Variants in WDR19 observed in about 807,000 individuals in gnomAD.
The protein encoded by WDR19 is WD repeat domain 19, also known as WD repeat-containing protein 19.
A neutral mutation model predicts 180.0 loss-of-function variants in WDR19; 121 were observed. The observed-to-expected ratio is 0.67, with a 90% confidence interval of 0.58 to 0.78. The LOEUF is 0.78. Ranked by LOEUF, WDR19 falls within the 30% of genes least tolerant of loss-of-function variation. The pLI is 0.00. For synonymous variants in WDR19, 497 were observed against 540.7 expected (o/e 0.92, Z 1.12); for missense variants, 1,450 against 1,640.7 (o/e 0.88, Z 2.01).
At chr4:39,226,942 C>G (rs950895404) in intron 15 of WDR19, among the ~76,000 whole-genome samples, 6 of 152,182 alleles carry the variant, frequency 3.9e-5, no homozygotes, top group Non-Finnish European at 7.4e-5. Context: ...AAGCGTTCCT[C>G]TTTCTCCTCA....
intron 27 of WDR19, among the ~76,000 whole-genome samples, chr4:39,256,371 C>T (rs935017404): frequency 6.6e-6 from 1 of 152,208 alleles, no homozygotes; most frequent in African/African-American, 2.4e-5. Flanking sequence ...GAAGGGACAT[C>T]ATAAGTGAAG....
intron 20 of WDR19, among the ~76,000 whole-genome samples, chr4:39,236,504 G>A (rs1280501796): frequency 6.6e-6 from 1 of 152,140 alleles, no homozygotes; most frequent in Non-Finnish European, 1.5e-5. Flanking sequence ...AGGTGGGAGG[G>A]TGGATGAGGG....
intron 10 of WDR19, among the ~76,000 whole-genome samples, chr4:39,215,119 C>G (rs752725239): frequency 6.6e-6 from 1 of 152,022 alleles, no homozygotes; most frequent in Non-Finnish European, 1.5e-5. Context: ...AAAATAGTCT[C>G]CTTATTTTAG....
At chr4:39,275,174 T>C (rs1735778811) in intron 33 of WDR19, 2 of 550,618 alleles carry the variant, frequency 3.6e-6, no homozygotes, top group South Asian at 3.8e-5. Flanking sequence ...ACCCTATCTC[T>C]ACTAAAAATA....
chr4:39,256,617 G>A (rs969200254), intron 27 of WDR19, among the ~76,000 whole-genome samples: 2 of 152,182 alleles, frequency 1.3e-5, no homozygotes, highest in African/African-American at 4.8e-5. Context: ...AAACATGTCT[G>A]TGTGTGAATT....
At chr4:39,239,786 T>C (rs1367509216) in intron 20 of WDR19, among the ~76,000 whole-genome samples, 2 of 152,242 alleles carry the variant, frequency 1.3e-5, no homozygotes, top group African/African-American at 2.4e-5. Flanking sequence ...AATGACAGAC[T>C]GCACTTTGAA....
chr4:39,276,646 G>A (rs1040702693), intron 33 of WDR19, among the ~76,000 whole-genome samples: 44 of 152,266 alleles, frequency 2.9e-4, no homozygotes, highest in African/African-American at 1.0e-3. Flanking sequence ...GGACGGTGCT[G>A]GTATAACTTG....
chr4:39,227,988 T>C (rs930170165), intron 15 of WDR19, among the ~76,000 whole-genome samples: 5 of 152,218 alleles, frequency 3.3e-5, no homozygotes, highest in African/African-American at 7.2e-5. Flanking sequence ...TGCCAGATTT[T>C]AGATCAAACC....
intron 24 of WDR19, among the ~76,000 whole-genome samples, chr4:39,249,910 A>G (rs990113210): frequency 1.3e-5 from 2 of 152,226 alleles, no homozygotes; most frequent in African/African-American, 4.8e-5. Context: ...AAATTCTACC[A>G]GAGGTACAAG....
intron 4 of WDR19, among the ~76,000 whole-genome samples, chr4:39,191,234 C>G (rs1045350473): frequency 6.6e-6 from 1 of 152,146 alleles, no homozygotes. Flanking sequence ...ATTCAAAGGT[C>G]AATCTGTTAC....
At chr4:39,231,742 G>T in intron 17 of WDR19, 55 bp from the exon 18 acceptor site, 1 of 1,467,136 alleles carries the variant, frequency 6.8e-7, no homozygotes, top group Non-Finnish European at 9.1e-7. Flanking sequence ...TCTGAAAATT[G>T]CCTAACATGT....
chr4:39,208,987 A>G (rs1437749625), intron 9 of WDR19, among the ~76,000 whole-genome samples: 1 of 152,232 alleles, frequency 6.6e-6, no homozygotes, highest in African/African-American at 2.4e-5. Flanking sequence ...CAACAAGGAT[A>G]TAAAAGACTA....
Position 39,274,988 on chromosome 4 carries a change from A to G in WDR19, c.3716+30A>G, listed in dbSNP as rs762702704. 6.3e-6 allele frequency: 10 copies of G among 1,586,512 alleles called. No individual in the cohort carries two copies. In the Admixed American group the frequency reaches 1.0e-4, roughly 16 times the overall value. ...GCAGAGATGGCTATTTCTGCTATCT[A>G]ATCGTATTTCTCAAAGTATTTCCAA... On this transcript the variant is annotated intron_variant, in intron 33 of 36. Transcript: ENST00000399820.
chr4:39,245,300 T>C (rs898933944), intron 23 of WDR19, 69 bp from the exon 24 acceptor site: 2 of 1,275,632 alleles, frequency 1.6e-6, no homozygotes, highest in Non-Finnish European at 1.1e-6. Flanking sequence ...AACCTAACAT[T>C]TGGTTATAGC....
intron 6 of WDR19, among the ~76,000 whole-genome samples, chr4:39,199,863 T>C (rs746086494): frequency 1.3e-5 from 2 of 152,258 alleles, no homozygotes; most frequent in Non-Finnish European, 2.9e-5. Flanking sequence ...TCAGACAGTG[T>C]ATTTGTGAAA....
chr4:39,185,614 A>G, intron 1 of WDR19, 112 bp from the exon 2 acceptor site: 1 of 991,968 alleles, frequency 1.0e-6, no homozygotes. Flanking sequence ...CATAATCCTC[A>G]CTATCCTGAA....
At chr4:39,278,372 T>C (rs1396672144) in intron 35 of WDR19, 165 bp downstream of exon 35, 1 of 831,866 alleles carries the variant, frequency 1.2e-6, no homozygotes, top group Non-Finnish European at 1.9e-6. Flanking sequence ...GAATATTATC[T>C]TTAAAGAGGA....
chr4:39,235,544 G>A (rs1364109344), intron 20 of WDR19, among the ~76,000 whole-genome samples: 3 of 152,146 alleles, frequency 2.0e-5, no homozygotes, highest in Non-Finnish European at 4.4e-5. Flanking sequence ...GATTTGCTCT[G>A]TAATTTCAAA....
In WDR19 at chr4:39,231,966, A is replaced by G. The variant is rs1730914612; in HGVS notation, c.2142+10A>G. 5 of 1,602,242 alleles carry G rather than the reference A, an allele frequency of 3.1e-6. No homozygotes were observed. The highest frequency in any genetic ancestry group is 4.3e-6 in the Non-Finnish European group (5 of 1,170,924). ...CTTGGAACAAATAAAGGTAAACAGC[A>G]TGTTATAGAATTATCAAGTTAAAAT... On this transcript the variant is annotated intron_variant, in intron 18 of 36. Transcript: ENST00000399820.
Sources: gnomAD v4.1 joint callset for allele counts (sites outside exome capture counted in the v4.1 genomes callset) on GRCh38, gnomAD v4.1.1 for gene constraint, MANE v1.5 for transcripts, NCBI Gene and HGNC (gene_info 2026-07-23, HGNC 2026-07-21) for gene names.